HELQ: variants seen among roughly 807,000 people sequenced by gnomAD.
The protein encoded by HELQ is helicase, POLQ like, also known as helicase POLQ-like.
HELQ carries 77 observed loss-of-function variants against 111.6 expected under a neutral mutation model. The ratio of observed to expected loss-of-function variants is 0.69; its 90% CI spans 0.57 to 0.83. The LOEUF is 0.83. Among genes scored for constraint, HELQ ranks in the 40% least tolerant of loss-of-function variants. The pLI is 0.00. For missense variants in HELQ, 1,200 were observed against 1,288.5 expected (o/e 0.93, Z 1.05); for synonymous variants, 438 against 454.7 (o/e 0.96, Z 0.47).
intron 15 of HELQ, among the ~76,000 whole-genome samples, chr4:83,419,515 AAATT>A (rs1365229222): frequency 1.4e-5 from 2 of 146,266 alleles, no homozygotes; most frequent in African/African-American, 5.1e-5. Flanking sequence ...TAAATGAAGT[AAATT>A]AATTAGAGTA....
chr4:83,437,623 A>C (rs1720533337), intron 8 of HELQ, among the ~76,000 whole-genome samples: 1 of 148,480 alleles, frequency 6.7e-6, no homozygotes, highest in Non-Finnish European at 1.5e-5. Context: ...AAAAAAAAAA[A>C]GGAAAAATAT....
At chr4:83,413,632 C>T (rs1739216948) in intron 17 of HELQ, among the ~76,000 whole-genome samples, 1 of 152,162 alleles carries the variant, frequency 6.6e-6, no homozygotes, top group Non-Finnish European at 1.5e-5. Flanking sequence ...TAACGGTTTT[C>T]TAGTAACCAA....
chr4:83,441,322 G>A lies in HELQ; in HGVS notation c.1645C>T (p.Arg549Cys), dbSNP rs1164264445. The change falls in exon 7 of 18, where the codon CGT (arginine) becomes TGT (cysteine). Residue 549 changes from arginine (R) to cysteine (C), a missense_variant. Physicochemically the swap from Arg to Cys is radical, Grantham distance 180. Transcript: ENST00000295488. Reference sequence around the variant, plus strand: ...AATGTTACCTTATAATTAAGAAGACGTGAAAAAGTCATGCCATTCTCAGCT... The same window carrying A: ...AATGTTACCTTATAATTAAGAAGACATGAAAAAGTCATGCCATTCTCAGCT... ...SKAENGMTFS[R>C]LLNYKYSDTL... The A allele has an allele frequency of 3.8e-6, 6 of 1,576,774 alleles. No homozygotes were observed. The highest frequency in any genetic ancestry group is 2.3e-5 in the South Asian group (2 of 88,858).
At position 83,447,002 on chromosome 4, in the gene HELQ, C is replaced by T. The variant is rs376881272; in HGVS notation, c.1225G>A (p.Gly409Ser). ...SGLSSFGIEL[G>S]FFVEEYAGSK... ...CCAGCATATTCTTCAACAAAGAAACCGAGTTCTATACCAAAACTTGACAAA... is the reference window on the plus strand; with the variant it reads ...CCAGCATATTCTTCAACAAAGAAACTGAGTTCTATACCAAAACTTGACAAA... The change falls in exon 4 of 18, where the codon GGT (glycine) becomes AGT (serine). Residue 409 changes from glycine (G) to serine (S), a missense_variant. Coordinates refer to ENST00000295488, the MANE Select transcript of HELQ (RefSeq NM_133636.5). The T allele has an allele frequency of 2.2e-5, 35 of 1,613,274 alleles. No individual in the cohort carries two copies. In the African/African-American group the frequency reaches 2.7e-4, roughly 12 times the overall value.
At chr4:83,445,505 A>G (rs1721003706) in intron 5 of HELQ, among the ~76,000 whole-genome samples, 1 of 152,214 alleles carries the variant, frequency 6.6e-6, no homozygotes, top group Admixed American at 6.5e-5. Flanking sequence ...AATTTTTCAT[A>G]AACTTTAAAG....
chr4:83,427,428 G>T lies in HELQ; in HGVS notation c.2676+135C>A, dbSNP rs569374780. ...CTAGCACTTTGGGAGGACAATGTGG[G>T]AAGACTGCTTGAGCCTAGGAGTTTG... On this transcript the variant is annotated intron_variant, in intron 13 of 17. Transcript: ENST00000295488. 5.1e-5 allele frequency: 29 copies of T among 569,788 alleles called. No individual in the cohort carries two copies. The South Asian group carries it at 1.2e-3, about 23-fold the overall frequency. The allele number at this position is 569,788 out of a possible 1,614,324, so 35.3% of individuals were successfully genotyped here.
intron 11 of HELQ, among the ~76,000 whole-genome samples, chr4:83,430,655 T>C (rs1255857685): frequency 6.6e-6 from 1 of 152,212 alleles, no homozygotes; most frequent in Non-Finnish European, 1.5e-5. Flanking sequence ...ATTTAAGTCG[T>C]AATTTCATAT....
At chr4:83,432,093 C>G (rs778993116) in intron 10 of HELQ, 33 bp downstream of exon 10, 1 of 1,508,824 alleles carries the variant, frequency 6.6e-7, no homozygotes, top group South Asian at 1.3e-5. Context: ...AAGAAAAAGA[C>G]AAAAACAACC....
chr4:83,447,649 A>G (rs1721122772), intron 3 of HELQ, among the ~76,000 whole-genome samples: 1 of 152,150 alleles, frequency 6.6e-6, no homozygotes, highest in South Asian at 2.1e-4. Flanking sequence ...ACTTGAGGAC[A>G]GGCGTTTGAG....
At chr4:83,451,675 AAAAAAC>A (rs563677908) in intron 2 of HELQ, among the ~76,000 whole-genome samples, 3 of 151,774 alleles carry the variant, frequency 2.0e-5, no homozygotes, top group African/African-American at 4.9e-5. Context: ...AAAAAAAACA[AAAAAAC>A]AAAAACAAAA....
At chr4:83,443,687 G>C (rs1578097648) in intron 5 of HELQ, 73 bp from the exon 6 acceptor site, 2 of 602,494 alleles carry the variant, frequency 3.3e-6, no homozygotes, top group East Asian at 6.1e-5. Flanking sequence ...AGTAATTTTA[G>C]CAAGTCTTTT....
intron 17 of HELQ, among the ~76,000 whole-genome samples, chr4:83,408,124 G>T (rs895241144): frequency 1.2e-4 from 18 of 152,058 alleles, no homozygotes; most frequent in African/African-American, 4.1e-4. Flanking sequence ...AGATCAATAA[G>T]AATAATAAGT....
At chr4:83,408,595 G>A (rs1738920346) in intron 17 of HELQ, among the ~76,000 whole-genome samples, 1 of 149,068 alleles carries the variant, frequency 6.7e-6, no homozygotes, top group Non-Finnish European at 1.5e-5. Flanking sequence ...AGCTTTTTTT[G>A]TAGAGACTGG....
At chr4:83,449,831 G>A (rs1462034800) in intron 2 of HELQ, among the ~76,000 whole-genome samples, 1 of 148,578 alleles carries the variant, frequency 6.7e-6, no homozygotes, top group Non-Finnish European at 1.5e-5. Flanking sequence ...TACTGGGTTG[G>A]CAAAATAAAT....
chr4:83,421,649 C>T lies in HELQ; in HGVS notation c.2863G>A (p.Glu955Lys). Reference protein sequence around the residue: ...LKETNIWTVSEKFNMPRGYIQ... With the variant: ...LKETNIWTVSKKFNMPRGYIQ... ...TATCCTCGAGGCATATTAAATTTTTCAGATACAGTCCAAATGTTGGTCTCT... is the reference window on the plus strand; with the variant it reads ...TATCCTCGAGGCATATTAAATTTTTTAGATACAGTCCAAATGTTGGTCTCT... Residue 955 changes from glutamate (E) to lysine (K), a missense_variant, in exon 15 of 18, where the codon GAA becomes AAA. Transcript: ENST00000295488. 1.9e-6 allele frequency: 3 copies of T among 1,613,394 alleles called. No homozygotes were observed. Among genetic ancestry groups the T allele is most frequent in the Non-Finnish European group, 2.5e-6 (3 of 1,179,506 alleles).
intron 1 of HELQ, among the ~76,000 whole-genome samples, chr4:83,454,887 A>G (rs991669583): frequency 6.6e-6 from 1 of 151,964 alleles, no homozygotes; most frequent in Non-Finnish European, 1.5e-5. Flanking sequence ...ACCACTAGAC[A>G]CTCCAAGGAG....
chr4:83,410,677 G>T (rs1408445296), intron 17 of HELQ, among the ~76,000 whole-genome samples: 1 of 152,094 alleles, frequency 6.6e-6, no homozygotes, highest in Admixed American at 6.6e-5. Context: ...TGAGAGACGG[G>T]ATCTAATTCT....
intron 13 of HELQ, 72 bp from the exon 14 acceptor site, chr4:83,426,164 T>C: frequency 1.3e-6 from 1 of 757,024 alleles, no homozygotes; most frequent in Non-Finnish European, 2.3e-6. Flanking sequence ...AGTATTTCTT[T>C]TGATATCACA....
intron 2 of HELQ, among the ~76,000 whole-genome samples, chr4:83,452,086 C>T (rs543786630): frequency 3.3e-5 from 5 of 152,298 alleles, no homozygotes; most frequent in Admixed American, 2.6e-4. Flanking sequence ...TATGCAAGGA[C>T]CCTGGATTTT....
Sources: gnomAD v4.1 joint callset for allele counts (sites outside exome capture counted in the v4.1 genomes callset) on GRCh38, gnomAD v4.1.1 for gene constraint, MANE v1.5 for transcripts, NCBI Gene and HGNC (gene_info 2026-07-23, HGNC 2026-07-21) for gene names.